Variants in EXOC7 observed in about 807,000 individuals in gnomAD.
EXOC7 encodes the protein exocyst complex component 7.
In EXOC7, 51 loss-of-function variants were observed where a neutral mutation model predicts 87.6. The observed-to-expected ratio is 0.58, with a 90% CI of 0.46 to 0.73. The LOEUF is 0.73. Among genes scored for constraint, EXOC7 ranks in the 30% least tolerant of loss-of-function variants. The pLI is 0.00. For synonymous variants in EXOC7, 327 were observed against 357.1 expected, an observed-to-expected ratio of 0.92 and a Z score of 0.95; for missense variants, 744 against 888.4, an observed-to-expected ratio of 0.84 and a Z score of 2.07.
In EXOC7 at chr17:76,081,537, C is replaced by T; in HGVS notation, c.*2111G>A. On this transcript the variant is annotated 3_prime_UTR_variant, in exon 19 of 19. Coordinates refer to ENST00000589210, the MANE Select transcript of EXOC7 (RefSeq NM_001013839.4). ...CCGCCGGGAAGGCCCTGACTTTTCC[C>T]CTTCCAGCTGAGGCTGAAGAACACG... 6.2e-7 allele frequency: 1 copy of T among 1,613,106 alleles called. No individual in the cohort carries two copies. The highest frequency in any genetic ancestry group is 8.5e-7 in the Non-Finnish European group (1 of 1,179,970).
chr17:76,090,668 AC>A, intron 7 of EXOC7: 2 of 613,332 alleles, frequency 3.3e-6, no homozygotes, highest in Non-Finnish European at 2.8e-6. Context: ...GCGGAGAAGG[AC>A]CAAGGAGGGG....
chr17:76,099,136 G>A (rs540191320), intron 4 of EXOC7, among the ~76,000 whole-genome samples: 1 of 152,246 alleles, frequency 6.6e-6, no homozygotes, highest in Non-Finnish European at 1.5e-5. Flanking sequence ...ATATAAGAGG[G>A]TTTATAGCAG....
At chr17:76,100,980 AAACAACAAC>A (rs564691005) in intron 4 of EXOC7, 16 of 344,662 alleles carry the variant, frequency 4.6e-5, no homozygotes, top group East Asian at 2.7e-4. Context: ...TCTCAGGAAA[AAACAACAAC>A]AACAACAACA....
rs370337428 is a variant in EXOC7, at chr17:76,088,601, C to T, written c.1201-39G>A. 4.4e-5 allele frequency: 71 copies of T among 1,604,652 alleles called. No homozygotes were observed. In the Middle Eastern group the frequency reaches 6.6e-4, roughly 15 times the overall value. On this transcript the variant is annotated intron_variant, in intron 9 of 18. Transcript: ENST00000589210. ...GGGGAGCCCCCAGCTCACCTCCAGT[C>T]GCTCTGTGAGCATCTCACTCACCCA...
chr17:76,084,772 T>C (rs1042256304), intron 15 of EXOC7, 192 bp from the exon 16 acceptor site: 4 of 600,126 alleles, frequency 6.7e-6, no homozygotes, highest in African/African-American at 3.7e-5. Flanking sequence ...TGAGATAACA[T>C]TAGGAAACAC....
chr17:76,091,585 G>A, intron 6 of EXOC7: 1 of 211,980 alleles, frequency 4.7e-6, no homozygotes, highest in Non-Finnish European at 9.5e-6. Context: ...AGGAGCCCGT[G>A]ACAAAGCTCG....
At position 76,088,889 on chromosome 17, in the gene EXOC7, T is replaced by C. The variant is rs1203714558; in HGVS notation, c.1082A>G (p.Asn361Ser). The change falls in exon 9 of 19, where the codon AAC becomes AGC. Residue 361 changes from asparagine to serine, a missense_variant. This residue lies in a region of EXOC7 where 512 missense variants were observed against 573.0 expected (regional missense o/e 0.89). Transcript: ENST00000589210. ...ALDGLMLEGE[N>S]IVSAARKAIV... ...GGCCTTCCGGGCAGCAGACACGATG[T>C]TCTCCCCTTCAAGCATCAGCCCATC... is the stretch of plus-strand genomic sequence containing the variant. The C allele has an allele frequency of 3.1e-6, 5 of 1,613,606 alleles. No individual in the cohort carries two copies. In the Admixed American group the frequency reaches 6.7e-5, roughly 22 times the overall value.
intron 2 of EXOC7, among the ~76,000 whole-genome samples, chr17:76,102,684 G>A (rs1025846579): frequency 3.9e-5 from 6 of 152,104 alleles, no homozygotes; most frequent in Non-Finnish European, 7.4e-5. Context: ...GCAAATACAA[G>A]TTTGTATTTA....
chr17:76,103,704 C>T lies in EXOC7; in HGVS notation c.-12G>A, dbSNP rs934916021. On this transcript the variant is annotated 5_prime_UTR_variant, in exon 1 of 19. Transcript: ENST00000589210. ...TGTGGGGGAATCATCGCTCTGAACC[C>T]CGCGGCTCCCACTCCCCAGTATCTT... 6.2e-7 allele frequency: 1 copy of T among 1,601,752 alleles called. No homozygotes were observed. The highest frequency in any genetic ancestry group is 1.3e-5 in the African/African-American group (1 of 74,566).
chr17:76,102,542 A>G (rs1289085048), intron 2 of EXOC7, among the ~76,000 whole-genome samples: 1 of 152,050 alleles, frequency 6.6e-6, no homozygotes, highest in African/African-American at 2.4e-5. Flanking sequence ...GGAGTTAGAG[A>G]CTGCAGTGAG....
chr17:76,085,217 T>G, intron 15 of EXOC7, 97 bp downstream of exon 15: 1 of 1,001,226 alleles, frequency 1.0e-6, no homozygotes, highest in Non-Finnish European at 1.5e-6. Flanking sequence ...AGGACAGGAG[T>G]TCCCCGTGAC....
chr17:76,097,108 A>C (rs1204434677), intron 5 of EXOC7, among the ~76,000 whole-genome samples: 1 of 152,154 alleles, frequency 6.6e-6, no homozygotes, highest in Admixed American at 6.5e-5. Flanking sequence ...TCAGCCTCCC[A>C]AACTGTTAGG....
intron 15 of EXOC7, 93 bp from the exon 16 acceptor site, chr17:76,084,673 G>C: frequency 8.7e-7 from 1 of 1,146,212 alleles, no homozygotes; most frequent in Non-Finnish European, 1.3e-6. Flanking sequence ...TCTACTTGGT[G>C]GGTGGTGGTA....
intron 15 of EXOC7, 108 bp downstream of exon 15, chr17:76,085,206 G>T: frequency 1.1e-6 from 1 of 895,934 alleles, no homozygotes; most frequent in South Asian, 1.5e-5. Flanking sequence ...TTAGGGTCCA[G>T]AGGACAGGAG....
intron 5 of EXOC7, 117 bp from the exon 6 acceptor site, chr17:76,094,698 G>C: frequency 9.8e-7 from 1 of 1,020,978 alleles, no homozygotes; most frequent in Non-Finnish European, 1.4e-6. Context: ...CCCTGCTCTG[G>C]TCACAAGCCA....
chr17:76,090,497 G>T (rs752905101), intron 7 of EXOC7: 37 of 1,550,286 alleles, frequency 2.4e-5, no homozygotes, highest in Non-Finnish European at 3.1e-5. Context: ...TCTCCAGGAG[G>T]GGGACGTCAG....
chr17:76,097,869 C>G lies in EXOC7; in HGVS notation c.567G>C (p.Glu189Asp). The part of the protein sequence containing the change: ...DLEAQEDVTL[E>D]HLPESVLQDV... ...CCTGGAGCACGCTCTCGGGCAGGTG[C>G]TCCAGGGTCACGTCCTCCTGGGCCT... Residue 189 changes from glutamate (E) to aspartate (D), a missense_variant, in exon 5 of 19, where the codon GAG (glutamate) becomes GAC (aspartate). Physicochemically the swap from Glu to Asp is conservative, Grantham distance 45 (BLOSUM62 2). This residue lies in a region of EXOC7 where 512 missense variants were observed against 573.0 expected (regional missense o/e 0.89). Coordinates refer to ENST00000589210, the MANE Select transcript of EXOC7 (RefSeq NM_001013839.4). The G allele has an allele frequency of 6.2e-7, 1 of 1,614,112 alleles. No homozygotes were observed. The highest frequency in any genetic ancestry group is 1.7e-5 in the Admixed American group (1 of 60,002).
chr17:76,103,064 G>T, intron 2 of EXOC7: 1 of 434,740 alleles, frequency 2.3e-6, no homozygotes, highest in Non-Finnish European at 4.2e-6. Context: ...CCAGTACCTA[G>T]CCCAACTGGT....
At position 76,084,663 on chromosome 17, in the gene EXOC7, T is replaced by C. The variant is rs567772324; in HGVS notation, c.1713-83A>G. 5 of 1,255,506 alleles carry C rather than the reference T, an allele frequency of 4.0e-6. No homozygotes were observed. The African/African-American group carries it at 7.4e-5, about 18-fold the overall frequency. The allele number at this position is 1,255,506 out of a possible 1,614,324, so 77.8% of individuals were successfully genotyped here. A position where few individuals can be genotyped will look rare whatever the true frequency, so the allele number is the denominator to read the frequency against. On this transcript the variant is annotated intron_variant, in intron 15 of 18. Transcript: ENST00000589210. ...TTGTTTCGTTTGCTAAATCTCTGGATCTACTTGGTGGGTGGTGGTAGGAAG... is the reference window on the plus strand; with the variant it reads ...TTGTTTCGTTTGCTAAATCTCTGGACCTACTTGGTGGGTGGTGGTAGGAAG...
Sources: gnomAD v4.1 joint callset for allele counts (sites outside exome capture counted in the v4.1 genomes callset) on GRCh38, gnomAD v4.1.1 for gene constraint, gnomAD v4.1.1 regional missense constraint, MANE v1.5 for transcripts, NCBI Gene and HGNC (gene_info 2026-07-23, HGNC 2026-07-21) for gene names.